The following COMMD10 variants were observed in gnomAD, a reference collection of about 807,000 sequenced individuals.
COMMD10 encodes the protein COMM domain containing 10, also known as COMM domain-containing protein 10.
COMMD10 carries 33 observed loss-of-function variants against 28.9 expected under a neutral mutation model. That is an observed-to-expected ratio of 1.14 (90% confidence interval 0.87 to 1.53). The LOEUF is 1.53. Ranked by LOEUF, COMMD10 falls within the 40% of genes most tolerant of loss-of-function variation. COMMD10 has a pLI of 0.00. For synonymous variants in COMMD10, 110 were observed against 81.7 expected, an observed-to-expected ratio of 1.35 and a Z score of -1.87; for missense variants, 310 against 233.4, an observed-to-expected ratio of 1.33 and a Z score of -2.14.
intron 1 of COMMD10, among the ~76,000 whole-genome samples, chr5:116,086,851 C>T (rs1314160696): frequency 1.3e-5 from 2 of 152,168 alleles, no homozygotes; most frequent in Non-Finnish European, 2.9e-5. Flanking sequence ...GTGGCCCGCG[C>T]ATGTAGTTCT....
intron 5 of COMMD10, among the ~76,000 whole-genome samples, chr5:116,250,418 T>G (rs1750077547): frequency 6.6e-6 from 1 of 151,540 alleles, no homozygotes; most frequent in Non-Finnish European, 1.5e-5. Context: ...TCTATGGGTT[T>G]ACAGAGACAA....
At chr5:116,134,372 C>G (rs1046602944) in intron 5 of COMMD10, among the ~76,000 whole-genome samples, 194 bp downstream of exon 5, 1 of 151,842 alleles carries the variant, frequency 6.6e-6, no homozygotes, top group Admixed American at 6.6e-5. Context: ...TTCATAATGT[C>G]TTCTTTTAAA....
At chr5:116,289,966 C>G (rs1282662043) in intron 5 of COMMD10, among the ~76,000 whole-genome samples, 2 of 151,918 alleles carry the variant, frequency 1.3e-5, no homozygotes, top group Non-Finnish European at 2.9e-5. Context: ...TACATTTCTT[C>G]TCTTTCCTCA....
chr5:116,229,836 G>A (rs555067523), intron 5 of COMMD10, among the ~76,000 whole-genome samples: 8 of 151,744 alleles, frequency 5.3e-5, no homozygotes, highest in African/African-American at 1.9e-4. Context: ...CAGGTCTTTG[G>A]TTATTTAAGA....
chr5:116,290,575 C>T (rs941272639), intron 5 of COMMD10, among the ~76,000 whole-genome samples: 10 of 151,708 alleles, frequency 6.6e-5, no homozygotes, highest in Admixed American at 3.9e-4. Context: ...ATAGAAACTG[C>T]GAACTAGAAT....
intron 5 of COMMD10, among the ~76,000 whole-genome samples, chr5:116,219,123 A>G (rs1282128643): frequency 6.6e-6 from 1 of 152,128 alleles, no homozygotes; most frequent in African/African-American, 2.4e-5. Context: ...CACAGGAGAA[A>G]CCAGCCCTGC....
chr5:116,115,690 T>C (rs1373453242), intron 4 of COMMD10, among the ~76,000 whole-genome samples: 1 of 152,160 alleles, frequency 6.6e-6, no homozygotes, highest in Admixed American at 6.6e-5. Context: ...TGAAATTCTA[T>C]TTGGAGCTCT....
At chr5:116,180,859 A>G (rs1262661107) in intron 5 of COMMD10, among the ~76,000 whole-genome samples, 1 of 152,118 alleles carries the variant, frequency 6.6e-6, no homozygotes, top group African/African-American at 2.4e-5. Flanking sequence ...AAATGATGAA[A>G]TGCTTATTTA....
chr5:116,282,237 C>T lies in COMMD10; in HGVS notation c.511-9280C>T, dbSNP rs564259854. Reference sequence around the variant, plus strand: ...ACCCTTCATCCCAATTCAAGTCTGTCATCAAGTGCTGTCTCATCTACCTCT... The same window carrying T: ...ACCCTTCATCCCAATTCAAGTCTGTTATCAAGTGCTGTCTCATCTACCTCT... On this transcript the variant is annotated intron_variant, in intron 5 of 6. Transcript: ENST00000274458. Among the ~76,000 whole-genome samples, 132 of 151,968 alleles carry T rather than the reference C, an allele frequency of 8.7e-4. 1 individual carries two copies. Among genetic ancestry groups the T allele is most frequent in the Non-Finnish European group, 1.5e-3 (101 of 68,006 alleles).
At chr5:116,205,153 A>C (rs1219099236) in intron 5 of COMMD10, among the ~76,000 whole-genome samples, 1 of 152,190 alleles carries the variant, frequency 6.6e-6, no homozygotes, top group Non-Finnish European at 1.5e-5. Context: ...GCAATAATAA[A>C]TATAAATTTT....
At chr5:116,281,080 G>C (rs1396846799) in intron 5 of COMMD10, among the ~76,000 whole-genome samples, 12 of 151,652 alleles carry the variant, frequency 7.9e-5, no homozygotes, top group Non-Finnish European at 1.6e-4. Context: ...TTCTAATTCT[G>C]ATATCCAATT....
At chr5:116,287,875 A>T (rs1207843928) in intron 5 of COMMD10, among the ~76,000 whole-genome samples, 1 of 151,756 alleles carries the variant, frequency 6.6e-6, no homozygotes, top group Non-Finnish European at 1.5e-5. Context: ...TTTGTTACTG[A>T]TGTTACAAAT....
chr5:116,139,322 A>G (rs1174150247), intron 5 of COMMD10, among the ~76,000 whole-genome samples: 2 of 151,780 alleles, frequency 1.3e-5, no homozygotes, highest in African/African-American at 4.8e-5. Flanking sequence ...TCAGTTCAAC[A>G]GAGGCTGCCT....
At chr5:116,251,320 T>C (rs1485684319) in intron 5 of COMMD10, among the ~76,000 whole-genome samples, 1 of 149,420 alleles carries the variant, frequency 6.7e-6, no homozygotes, top group Non-Finnish European at 1.5e-5. Context: ...ACTTTAAGTT[T>C]TAGGGTACAT....
At chr5:116,281,927 A>T (rs1751078972) in intron 5 of COMMD10, among the ~76,000 whole-genome samples, 1 of 151,660 alleles carries the variant, frequency 6.6e-6, no homozygotes, top group African/African-American at 2.4e-5. Context: ...GTCCCATGTG[A>T]TCTGGGAAAA....
At chr5:116,116,896 T>C (rs552434435) in intron 4 of COMMD10, among the ~76,000 whole-genome samples, 1 of 152,274 alleles carries the variant, frequency 6.6e-6, no homozygotes, top group South Asian at 2.1e-4. Context: ...TTAGAAGTTA[T>C]ATACACACAT....
chr5:116,242,252 T>C (rs1482190153), intron 5 of COMMD10, among the ~76,000 whole-genome samples: 3 of 152,222 alleles, frequency 2.0e-5, no homozygotes, highest in Non-Finnish European at 4.4e-5. Context: ...GAAAGTTTTG[T>C]TAAGGTATAT....
At chr5:116,265,349 C>T (rs974215556) in intron 5 of COMMD10, among the ~76,000 whole-genome samples, 1 of 151,546 alleles carries the variant, frequency 6.6e-6, no homozygotes, top group African/African-American at 2.4e-5. Flanking sequence ...TCTCAGACAA[C>T]CTATAGGTAT....
chr5:116,152,420 C>T (rs1269410255), intron 5 of COMMD10, among the ~76,000 whole-genome samples: 1 of 152,092 alleles, frequency 6.6e-6, no homozygotes, highest in Non-Finnish European at 1.5e-5. Flanking sequence ...GATAGTATGG[C>T]AGTGTGCCAA....
Sources: gnomAD v4.1 joint callset for allele counts (sites outside exome capture counted in the v4.1 genomes callset) on GRCh38, gnomAD v4.1.1 for gene constraint, MANE v1.5 for transcripts, NCBI Gene and HGNC (gene_info 2026-07-23, HGNC 2026-07-21) for gene names.